CNTNAP4: variants seen among roughly 807,000 people sequenced by gnomAD.
The protein encoded by CNTNAP4 is contactin associated protein family member 4, also known as contactin-associated protein-like 4.
In CNTNAP4, 98 loss-of-function variants were observed where a neutral mutation model predicts 148.4. That is an observed-to-expected ratio of 0.66 (90% CI 0.56 to 0.78). CNTNAP4 has a LOEUF of 0.78. Ranked by LOEUF, CNTNAP4 falls within the 30% of genes least tolerant of loss-of-function variation. CNTNAP4 has a pLI of 0.00. For synonymous variants in CNTNAP4, 730 were observed against 565.1 expected (o/e 1.29, Z -4.14); for missense variants, 1,935 against 1,565.6 (o/e 1.24, Z -3.98).
rs1597102482 is a variant in CNTNAP4, at chr16:76,538,173, A to T, written c.3053A>T (p.Tyr1018Phe). 1 of 1,599,298 alleles carries T rather than the reference A, an allele frequency of 6.3e-7. No homozygotes were observed. Among genetic ancestry groups the T allele is most frequent in the Non-Finnish European group, 8.5e-7 (1 of 1,174,396 alleles). Reference protein sequence around the residue: ...SSVIYNFQENYLLSKNSSSHA... With the variant: ...SSVIYNFQENFLLSKNSSSHA... ...GTGATATACAATTTTCAAGAAAATT[A>T]TCTTTTAAGTAAAAACTCCAGCTCC... The change falls in exon 19 of 24, where the codon TAT becomes TTT. Residue 1018 changes from tyrosine (Y) to phenylalanine (F), a missense_variant. Physicochemically the swap from Tyr to Phe is conservative, Grantham distance 22. Transcript: ENST00000611870.
chr16:76,470,747 A>C (rs2081339620), intron 10 of CNTNAP4, among the ~76,000 whole-genome samples: 1 of 151,942 alleles, frequency 6.6e-6, no homozygotes, highest in Admixed American at 6.6e-5. Context: ...TTAAAAAAAA[A>C]CTGTAATACT....
At chr16:76,373,872 G>A (rs1567905029) in intron 3 of CNTNAP4, among the ~76,000 whole-genome samples, 1 of 143,440 alleles carries the variant, frequency 7.0e-6, no homozygotes, top group African/African-American at 2.6e-5. Context: ...TCCAGCCTGG[G>A]TGACAAGAGT....
rs369958068 is a variant in CNTNAP4, at chr16:76,369,049, TA to T, written c.390+13548del. Among the ~76,000 whole-genome samples the T allele has an allele frequency of 3.2e-3, 461 of 144,414 alleles. 2 individuals carry two copies. The highest frequency in any genetic ancestry group is 9.9e-3 in the African/African-American group (393 of 39,556). 94.7% of individuals were successfully genotyped at this position (144,414 alleles called of 152,430 possible). ...TTTTTTTGTTTTTTCGTTTTTTGGT[TA>T]AAAAAAAAAGAGCCATTATATAAAC... is the stretch of plus-strand genomic sequence containing the variant. On this transcript the variant is annotated intron_variant, in intron 3 of 23. Transcript: ENST00000611870.
intron 4 of CNTNAP4, among the ~76,000 whole-genome samples, chr16:76,445,374 G>A (rs886075787): frequency 6.6e-6 from 1 of 152,152 alleles, no homozygotes; most frequent in Non-Finnish European, 1.5e-5. Context: ...CATGAGGACA[G>A]GGGCCATATT....
At chr16:76,381,842 C>T (rs892822709) in intron 3 of CNTNAP4, among the ~76,000 whole-genome samples, 5 of 152,176 alleles carry the variant, frequency 3.3e-5, no homozygotes, top group African/African-American at 9.6e-5. Context: ...GGATGGATCA[C>T]GAGATCAGGA....
chr16:76,280,270 C>T (rs1243061174), intron 1 of CNTNAP4, among the ~76,000 whole-genome samples: 1 of 152,080 alleles, frequency 6.6e-6, no homozygotes, highest in Non-Finnish European at 1.5e-5. Flanking sequence ...CAGTACAGCT[C>T]AGGGATTAGG....
intron 15 of CNTNAP4, among the ~76,000 whole-genome samples, chr16:76,508,042 T>G (rs2082891654): frequency 1.0e-5 from 1 of 98,164 alleles, no homozygotes; most frequent in African/African-American, 2.6e-5. Flanking sequence ...TTTCTCATAC[T>G]GGCTTTTAAT....
rs896578504 is a variant in CNTNAP4 at position 76,460,528 on chromosome 16, G to A, written c.1334-1428G>A. On this transcript the variant is annotated intron_variant, in intron 8 of 23. Transcript: ENST00000611870. Reference sequence around the variant, plus strand: ...TGTAATCCCAGCACTTTGGGAAGCCGAGGCGGGTGGATCACGAGGTCAGGA... The same window carrying A: ...TGTAATCCCAGCACTTTGGGAAGCCAAGGCGGGTGGATCACGAGGTCAGGA... Among the ~76,000 whole-genome samples, 10 of 148,108 alleles carry A rather than the reference G, an allele frequency of 6.8e-5. No homozygotes were observed. In the East Asian group the frequency reaches 1.5e-3, roughly 21 times the overall value.
chr16:76,529,575 C>T (rs1420870084), intron 17 of CNTNAP4, among the ~76,000 whole-genome samples: 2 of 152,196 alleles, frequency 1.3e-5, no homozygotes, highest in Non-Finnish European at 2.9e-5. Flanking sequence ...ATTCAACCAG[C>T]TCCGCAATTT....
At chr16:76,316,327 G>C in intron 1 of CNTNAP4, 86 bp from the exon 2 acceptor site, 2 of 825,288 alleles carry the variant, frequency 2.4e-6, no homozygotes, top group Non-Finnish European at 4.2e-6. Flanking sequence ...TGATGTTGTT[G>C]TTTTACTTGT....
intron 1 of CNTNAP4, among the ~76,000 whole-genome samples, chr16:76,288,409 C>G (rs905666876): frequency 6.6e-5 from 10 of 152,124 alleles, no homozygotes; most frequent in African/African-American, 2.4e-4. Context: ...CCTGTGTCCT[C>G]TACTCTTCAT....
chr16:76,475,004 A>C lies in CNTNAP4; in HGVS notation c.1656-935A>C, dbSNP rs1029296127. 4.6e-5 allele frequency among the ~76,000 whole-genome samples: 7 copies of C among 152,342 alleles called. No individual in the cohort carries two copies. The East Asian group carries it at 1.4e-3, about 29-fold the overall frequency. ...GTTTCTCAAGACTTGAAACCAGATC[A>C]GACTCCAGAGCCAGGCGTGGTGGCA... On this transcript the variant is annotated intron_variant, in intron 10 of 23. Coordinates refer to ENST00000611870, the MANE Select transcript of CNTNAP4 (RefSeq NM_033401.5).
chr16:76,530,048 T>A lies in CNTNAP4; in HGVS notation c.2756-5497T>A, dbSNP rs142639891. 5.8e-3 allele frequency among the ~76,000 whole-genome samples: 885 copies of A among 151,926 alleles called. 8 individuals are homozygous for A. The highest frequency in any genetic ancestry group is 0.017 in the South Asian group (81 of 4,796). On this transcript the variant is annotated intron_variant, in intron 17 of 23. Coordinates refer to ENST00000611870, the MANE Select transcript of CNTNAP4 (RefSeq NM_033401.5). ...TTCTATGAGATTGTCTTATTTTTTT[T>A]AAAAAAAACTTCATAAGAATTCTTT... is the stretch of plus-strand genomic sequence containing the variant.
intron 3 of CNTNAP4, among the ~76,000 whole-genome samples, chr16:76,384,082 T>C (rs766465110): frequency 2.6e-4 from 40 of 152,256 alleles, no homozygotes; most frequent in South Asian, 4.1e-4. Flanking sequence ...CTCGCCCTGT[T>C]GCCCAGGCTG....
intron 3 of CNTNAP4, among the ~76,000 whole-genome samples, chr16:76,423,986 T>C (rs1017496477): frequency 1.1e-4 from 16 of 152,286 alleles, no homozygotes; most frequent in African/African-American, 3.6e-4. Context: ...TGGAATGTGC[T>C]GTAAGTCCCA....
At chr16:76,500,264 G>T (rs1295767923) in intron 15 of CNTNAP4, among the ~76,000 whole-genome samples, 1 of 152,216 alleles carries the variant, frequency 6.6e-6, no homozygotes, top group Non-Finnish European at 1.5e-5. Flanking sequence ...CGGCTGGCCG[G>T]GCGGGGGCTG....
intron 15 of CNTNAP4, among the ~76,000 whole-genome samples, chr16:76,513,216 T>TGTG (rs2083097056): frequency 6.6e-6 from 1 of 151,864 alleles, no homozygotes; most frequent in Admixed American, 6.6e-5. Flanking sequence ...GGTGAACAGG[T>TGTG]GTGGTGGTGG....
intron 17 of CNTNAP4, 85 bp downstream of exon 17, chr16:76,522,342 C>G: frequency 9.1e-7 from 1 of 1,094,318 alleles, no homozygotes; most frequent in Non-Finnish European, 1.3e-6. Flanking sequence ...ACTATAGAAA[C>G]AAGGATAATA....
chr16:76,337,954 A>C (rs551797332), intron 2 of CNTNAP4, among the ~76,000 whole-genome samples: 1 of 152,144 alleles, frequency 6.6e-6, no homozygotes, highest in African/African-American at 2.4e-5. Flanking sequence ...CTGTTGTTCT[A>C]TTCTTTTTCA....
Sources: allele counts gnomAD v4.1 joint callset (sites outside exome capture counted in the v4.1 genomes callset), GRCh38; gene constraint gnomAD v4.1.1; transcripts MANE v1.5; gene names NCBI Gene and HGNC (gene_info 2026-07-23, HGNC 2026-07-21).